SPRED2: variants seen among roughly 807,000 people sequenced by gnomAD.
SPRED2 encodes sprouty related EVH1 domain containing 2.
SPRED2 carries 47 observed loss-of-function variants against 43.0 expected under a neutral mutation model. The observed-to-expected ratio is 1.09, with a 90% confidence interval of 0.87 to 1.40. The LOEUF is 1.40. Among genes scored for constraint, SPRED2 ranks in the 40% most tolerant of loss-of-function variants. The pLI is 0.00. For missense variants in SPRED2, 561 were observed against 586.4 expected (o/e 0.96, Z 0.45); for synonymous variants, 225 against 225.7 (o/e 1.00, Z 0.03).
chr2:65,322,735 A>G (rs1673468444), intron 4 of SPRED2, among the ~76,000 whole-genome samples: 1 of 152,184 alleles, frequency 6.6e-6, no homozygotes, highest in Non-Finnish European at 1.5e-5. Context: ...ATGAATTTCT[A>G]TTAGATATAA....
chr2:65,349,096 CA>C (rs1409321502), intron 1 of SPRED2, among the ~76,000 whole-genome samples: 2 of 152,092 alleles, frequency 1.3e-5, no homozygotes, highest in African/African-American at 4.8e-5. Flanking sequence ...ATCATGAGGT[CA>C]AGAAATTAAG....
intron 2 of SPRED2, among the ~76,000 whole-genome samples, chr2:65,342,075 ATAAT>A (rs1042778815): frequency 5.9e-5 from 9 of 151,498 alleles, no homozygotes; most frequent in African/African-American, 1.7e-4. Flanking sequence ...ACATCAACAG[ATAAT>A]TAATTCACAG....
At chr2:65,368,596 T>C (rs1168019002) in intron 1 of SPRED2, among the ~76,000 whole-genome samples, 2 of 152,158 alleles carry the variant, frequency 1.3e-5, no homozygotes, top group Admixed American at 6.5e-5. Context: ...GCAATAATAA[T>C]GTGTGCACAC....
intron 1 of SPRED2, among the ~76,000 whole-genome samples, chr2:65,392,550 T>G (rs1174439713): frequency 2.6e-5 from 4 of 152,180 alleles, no homozygotes; most frequent in African/African-American, 7.2e-5. Flanking sequence ...CATGTTCTTC[T>G]AGTTTATTTT....
At chr2:65,348,152 T>A (rs781063454) in intron 1 of SPRED2, among the ~76,000 whole-genome samples, 31 of 152,332 alleles carry the variant, frequency 2.0e-4, no homozygotes, top group Non-Finnish European at 3.1e-4. Context: ...CACTTGCTGT[T>A]TCTTCTGTTC....
chr2:65,314,140 G>A lies in SPRED2; in HGVS notation c.618C>T (p.Ser206=), dbSNP rs1450970383. The A allele has an allele frequency of 6.2e-6, 10 of 1,600,706 alleles. No individual in the cohort carries two copies. The highest frequency in any genetic ancestry group is 8.6e-6 in the Non-Finnish European group (10 of 1,169,250). The stretch of plus-strand genomic sequence containing the variant: ...CGATCTCCTCGTCGTCGTCCGGGAA[G>A]CTCACCTGGCGGTAGGGCCTTGGCA... ...QPMPRPYRQV[S]FPDDDEEIVR... Residue 206 remains serine (S), a synonymous_variant, in exon 6 of 6, where the codon AGC becomes AGT. Coordinates refer to ENST00000356388, the MANE Select transcript of SPRED2 (RefSeq NM_181784.3).
At chr2:65,316,589 G>T (rs1451943385) in intron 5 of SPRED2, 145 bp downstream of exon 5, 5 of 989,970 alleles carry the variant, frequency 5.1e-6, no homozygotes, top group South Asian at 1.7e-5. Context: ...CACCACCAAT[G>T]CCACTTTCAA....
chr2:65,374,197 C>T (rs1451316243), intron 1 of SPRED2: 1 of 152,092 alleles, frequency 6.6e-6, no homozygotes, highest in Non-Finnish European at 1.5e-5. Flanking sequence ...GTTCAGCTTC[C>T]CAGAGGGGCA....
chr2:65,405,989 T>C (rs1445073249), intron 1 of SPRED2, among the ~76,000 whole-genome samples: 2 of 152,144 alleles, frequency 1.3e-5, no homozygotes, highest in African/African-American at 2.4e-5. Flanking sequence ...TGGCACTCAT[T>C]TGGAGGAGCC....
Position 65,334,646 on chromosome 2 carries a change from A to C in SPRED2, c.332T>G (p.Phe111Cys). ...TFQSPADARA[F>C]DRGVRKAIED... ...GATTGCTTTCCTTACTCCCCTGTCA[A>C]AGGCTCGGGCATCAGCAGGGCTTTG... Residue 111 changes from phenylalanine (F) to cysteine (C), a missense_variant, in exon 3 of 6, where the codon TTT becomes TGT. Phe to Cys is a radical substitution (Grantham distance 205). Around this residue, in one of 6 missense-constraint regions of SPRED2, gnomAD observed 305 missense variants for 282.4 expected, o/e 1.08. Coordinates refer to ENST00000356388, the MANE Select transcript of SPRED2 (RefSeq NM_181784.3). The C allele has an allele frequency of 6.2e-7, 1 of 1,614,218 alleles. No individual in the cohort carries two copies. The highest frequency in any genetic ancestry group is 8.5e-7 in the Non-Finnish European group (1 of 1,180,032).
intron 1 of SPRED2, among the ~76,000 whole-genome samples, chr2:65,385,895 T>A (rs1558679449): frequency 6.6e-6 from 1 of 152,180 alleles, no homozygotes; most frequent in Non-Finnish European, 1.5e-5. Context: ...AATAGCTTCC[T>A]AAATGTTCAG....
intron 1 of SPRED2, among the ~76,000 whole-genome samples, chr2:65,352,437 A>T (rs142388634): frequency 6.6e-6 from 1 of 152,364 alleles, no homozygotes; most frequent in Non-Finnish European, 1.5e-5. Context: ...CCGTGTACTT[A>T]AACAGGGACT....
chr2:65,396,626 G>T (rs935073639), intron 1 of SPRED2, among the ~76,000 whole-genome samples: 1 of 152,240 alleles, frequency 6.6e-6, no homozygotes, highest in African/African-American at 2.4e-5. Context: ...ACAGGACAGA[G>T]ATGGGTTTGT....
At chr2:65,366,768 T>C (rs1478921869) in intron 1 of SPRED2, 2 of 1,395,842 alleles carry the variant, frequency 1.4e-6, no homozygotes, top group Non-Finnish European at 9.3e-7. Flanking sequence ...ATATACTGCA[T>C]TGTACCGGAT....
chr2:65,330,523 A>C (rs986269757), intron 4 of SPRED2, among the ~76,000 whole-genome samples: 1 of 152,184 alleles, frequency 6.6e-6, no homozygotes, highest in South Asian at 2.1e-4. Flanking sequence ...CCGAGTGGAA[A>C]GTAGAGATTT....
At chr2:65,386,489 T>A (rs1474418307) in intron 1 of SPRED2, among the ~76,000 whole-genome samples, 1 of 152,224 alleles carries the variant, frequency 6.6e-6, no homozygotes, top group Admixed American at 6.5e-5. Flanking sequence ...CCATCTGTAC[T>A]CTTTTTGTTT....
chr2:65,378,293 GAAC>G (rs1382196195), intron 1 of SPRED2, among the ~76,000 whole-genome samples: 4 of 152,210 alleles, frequency 2.6e-5, no homozygotes, highest in Admixed American at 2.0e-4. Flanking sequence ...TGAGATTAAA[GAAC>G]TACTGTTAAT....
intron 1 of SPRED2, among the ~76,000 whole-genome samples, chr2:65,415,040 G>C (rs1356717705): frequency 6.6e-6 from 1 of 152,074 alleles, no homozygotes; most frequent in Non-Finnish European, 1.5e-5. Flanking sequence ...TCCTGTCTTA[G>C]CTTCCCAAAC....
At chr2:65,353,606 T>G (rs973253199) in intron 1 of SPRED2, among the ~76,000 whole-genome samples, 1 of 152,330 alleles carries the variant, frequency 6.6e-6, no homozygotes, top group African/African-American at 2.4e-5. Flanking sequence ...TGAATCCCTA[T>G]TTTTATAAGT....
Sources: gnomAD v4.1 joint callset for allele counts (sites outside exome capture counted in the v4.1 genomes callset) on GRCh38, gnomAD v4.1.1 for gene constraint, gnomAD v4.1.1 regional missense constraint, MANE v1.5 for transcripts, NCBI Gene and HGNC (gene_info 2026-07-23, HGNC 2026-07-21) for gene names.